PACSIN1: variants seen among roughly 807,000 people sequenced by gnomAD.
PACSIN1 encodes the protein protein kinase C and casein kinase substrate in neurons protein 1.
A neutral mutation model predicts 59.5 loss-of-function variants in PACSIN1; 15 were observed. The observed-to-expected ratio is 0.25, with a 90% CI of 0.17 to 0.39. PACSIN1 has a LOEUF of 0.39. Among genes scored for constraint, PACSIN1 ranks in the 10% least tolerant of loss-of-function variants. The pLI is 1.00. For synonymous variants in PACSIN1, 210 were observed against 220.6 expected (o/e 0.95, Z 0.42); for missense variants, 420 against 580.2 (o/e 0.72, Z 2.84).
Position 34,516,844 on chromosome 6 carries a change from C to T in PACSIN1, c.-63-9399C>T, listed in dbSNP as rs1767300846. Reference sequence around the variant, plus strand: ...GCCTGGAAGCCGGATTGAGACTTGACCTCCCCTGGCAGACCTTCTCATGTG... The same window carrying T: ...GCCTGGAAGCCGGATTGAGACTTGATCTCCCCTGGCAGACCTTCTCATGTG... On this transcript the variant is annotated intron_variant, in intron 1 of 9. Coordinates refer to ENST00000244458, the MANE Select transcript of PACSIN1 (RefSeq NM_020804.5). This position sits in a 1 kb window ranked among gnomAD's most constrained non-coding sequence, Gnocchi z 5.4. 6.6e-6 allele frequency among the ~76,000 whole-genome samples: 1 copy of T among 152,174 alleles called. No homozygotes were observed. Among genetic ancestry groups the T allele is most frequent in the Middle Eastern group, 3.2e-3 (1 of 316 alleles).
At chr6:34,517,753 C>T (rs1324375577) in intron 1 of PACSIN1, among the ~76,000 whole-genome samples, 1 of 152,248 alleles carries the variant, frequency 6.6e-6, no homozygotes, top group Non-Finnish European at 1.5e-5. Context: ...TGTCCCCTCC[C>T]CTGCCTTGCT....
chr6:34,491,995 C>G (rs2127253224), intron 1 of PACSIN1, among the ~76,000 whole-genome samples: 1 of 152,186 alleles, frequency 6.6e-6, no homozygotes, highest in South Asian at 2.1e-4. Flanking sequence ...AGTGCATGTT[C>G]TTTTTGGTGG....
chr6:34,470,162 G>A (rs1766551206), intron 1 of PACSIN1, among the ~76,000 whole-genome samples: 1 of 151,930 alleles, frequency 6.6e-6, no homozygotes, highest in Admixed American at 6.6e-5. Flanking sequence ...TGGGAGGGCA[G>A]GGGAGGCCTT....
intron 4 of PACSIN1, 73 bp downstream of exon 4, chr6:34,528,950 G>A (rs1767538946): frequency 1.6e-6 from 2 of 1,226,790 alleles, no homozygotes; most frequent in Non-Finnish European, 2.3e-6. Flanking sequence ...CCCAGGGAGG[G>A]CATCTATGGA....
Position 34,529,985 on chromosome 6 carries a change from AGG to A in PACSIN1, c.788+147_788+148del. 9.7e-7 allele frequency: 1 copy of A among 1,026,998 alleles called. No individual in the cohort carries two copies. The highest frequency in any genetic ancestry group is 1.6e-5 in the African/African-American group (1 of 62,818). 63.6% of individuals were successfully genotyped at this position (1,026,998 alleles called of 1,614,324 possible). A position where few individuals can be genotyped will look rare whatever the true frequency, so the allele number is the denominator to read the frequency against. Reference sequence around the variant, plus strand: ...TCAAGAAGGATGAGGCTTCAAACACAGGGGCTGTTGAGTGCAAGCTGACGCAC... The same window carrying A: ...TCAAGAAGGATGAGGCTTCAAACACAGGCTGTTGAGTGCAAGCTGACGCAC... On this transcript the variant is annotated intron_variant, in intron 6 of 9. Coordinates refer to ENST00000244458, the MANE Select transcript of PACSIN1 (RefSeq NM_020804.5). This position sits in a 1 kb window ranked among gnomAD's most constrained non-coding sequence, Gnocchi z 6.3.
chr6:34,512,448 G>A (rs1469954143), intron 1 of PACSIN1, among the ~76,000 whole-genome samples: 1 of 152,152 alleles, frequency 6.6e-6, no homozygotes, highest in East Asian at 1.9e-4. Flanking sequence ...CGGCAGGTGG[G>A]CAGGGGGCTC....
intron 1 of PACSIN1, among the ~76,000 whole-genome samples, chr6:34,479,379 T>C (rs537960612): frequency 6.6e-6 from 1 of 152,326 alleles, no homozygotes; most frequent in Non-Finnish European, 1.5e-5. Context: ...TTGTTTTTGG[T>C]TTTACCATGT....
chr6:34,523,357 G>A (rs527345327), intron 1 of PACSIN1, among the ~76,000 whole-genome samples: 1 of 152,352 alleles, frequency 6.6e-6, no homozygotes, highest in Admixed American at 6.5e-5. Flanking sequence ...ACCTGGACAA[G>A]CTCTGTCCCT....
chr6:34,528,912 T>TGGGCCGGGGGGGGGGGGGGGGG, intron 4 of PACSIN1, 35 bp downstream of exon 4: 3 of 464,336 alleles, frequency 6.5e-6, no homozygotes, highest in East Asian at 5.4e-5. Flanking sequence ...CGGGGTGGGG[T>TGGGCCGGGGGGGGGGGGGGGGG]GGGCCCGTCT....
At chr6:34,482,419 G>A (rs1766732272) in intron 1 of PACSIN1, among the ~76,000 whole-genome samples, 1 of 152,086 alleles carries the variant, frequency 6.6e-6, no homozygotes, top group African/African-American at 2.4e-5. Flanking sequence ...TGTTTTTAAG[G>A]TTCATCCCCC....
rs556999670 is a variant in PACSIN1 at position 34,488,388 on chromosome 6, T to C, written c.-64+22118T>C. Among the ~76,000 whole-genome samples, 13 of 152,308 alleles carry C rather than the reference T, an allele frequency of 8.5e-5. No individual in the cohort carries two copies. The East Asian group carries it at 1.4e-3, about 16-fold the overall frequency. On this transcript the variant is annotated intron_variant, in intron 1 of 9. Coordinates refer to ENST00000244458, the MANE Select transcript of PACSIN1 (RefSeq NM_020804.5). This position sits in a 1 kb window ranked among gnomAD's most constrained non-coding sequence, Gnocchi z 4.7. ...GTTATTCCTGCCAGGATGGTGACTC[T>C]GTGTTGTTGTTTTTTCCCTGCTGGT...
chr6:34,474,205 G>A (rs963583496), intron 1 of PACSIN1, among the ~76,000 whole-genome samples: 1 of 152,042 alleles, frequency 6.6e-6, no homozygotes, highest in Non-Finnish European at 1.5e-5. Context: ...TGTCCTCTCT[G>A]TAAATTGGGA....
intron 1 of PACSIN1, among the ~76,000 whole-genome samples, chr6:34,482,776 G>A (rs117667524): frequency 0.011 from 1,685 of 150,008 alleles, 45 homozygotes; most frequent in East Asian, 0.096. Flanking sequence ...CCCACCTCCC[G>A]GGTTCAATAA....
chr6:34,478,672 AT>A (rs1219288139), intron 1 of PACSIN1, among the ~76,000 whole-genome samples: 4 of 152,148 alleles, frequency 2.6e-5, no homozygotes, highest in African/African-American at 9.7e-5. Context: ...CACTCAGCCT[AT>A]TTATCCATTT....
chr6:34,513,333 G>A (rs1314361210), intron 1 of PACSIN1, among the ~76,000 whole-genome samples: 2 of 152,154 alleles, frequency 1.3e-5, no homozygotes, highest in African/African-American at 2.4e-5. Context: ...CTTAATTTGT[G>A]GTGGCTTCTG....
chr6:34,526,170 C>A, intron 1 of PACSIN1, 73 bp from the exon 2 acceptor site: 1 of 674,578 alleles, frequency 1.5e-6, no homozygotes, highest in South Asian at 1.8e-5. Context: ...GGTTTGGGGA[C>A]CCAGGCCTGG....
chr6:34,525,069 G>T lies in PACSIN1; in HGVS notation c.-63-1174G>T, dbSNP rs1179820710. Among the ~76,000 whole-genome samples the T allele has an allele frequency of 6.6e-6, 1 of 152,190 alleles. No homozygotes were observed. Among genetic ancestry groups the T allele is most frequent in the Non-Finnish European group, 1.5e-5 (1 of 68,038 alleles). ...ATTTAAAACGTTCCTTATGAAGCAA[G>T]TACTGCTTTATAAGTGAAAAGTGCC... On this transcript the variant is annotated intron_variant, in intron 1 of 9. Coordinates refer to ENST00000244458, the MANE Select transcript of PACSIN1 (RefSeq NM_020804.5). This position sits in a 1 kb window ranked among gnomAD's most constrained non-coding sequence, Gnocchi z 4.9.
At chr6:34,472,583 A>T (rs1258585288) in intron 1 of PACSIN1, among the ~76,000 whole-genome samples, 1 of 152,200 alleles carries the variant, frequency 6.6e-6, no homozygotes, top group East Asian at 1.9e-4. Context: ...AAAAATGAGC[A>T]CGTAAACTCC....
chr6:34,493,320 T>G (rs955420665), intron 1 of PACSIN1, among the ~76,000 whole-genome samples: 2 of 152,216 alleles, frequency 1.3e-5, no homozygotes, highest in African/African-American at 2.4e-5. Context: ...TTTCAGCTAT[T>G]GGTGGACACG....
Sources: allele counts gnomAD v4.1 joint callset (sites outside exome capture counted in the v4.1 genomes callset), GRCh38; gene constraint gnomAD v4.1.1; non-coding constraint Gnocchi (gnomAD v3.1); transcripts MANE v1.5; gene names NCBI Gene and HGNC (gene_info 2026-07-23, HGNC 2026-07-21).